The following ZNF148 variants were observed in gnomAD, a reference collection of about 807,000 sequenced individuals.
The protein encoded by ZNF148 is Beta-Enolase Repressor Factor-1.
ZNF148 carries 7 observed loss-of-function variants against 67.7 expected under a neutral mutation model. That is an observed-to-expected ratio of 0.10 (90% CI 0.06 to 0.19). The LOEUF is 0.19. Ranked by LOEUF, ZNF148 falls within the 10% of genes least tolerant of loss-of-function variation. ZNF148 has a pLI of 1.00. For missense variants in ZNF148, 583 were observed against 947.1 expected (o/e 0.62, Z 5.05); for synonymous variants, 333 against 330.7 (o/e 1.01, Z -0.08).
Position 125,338,659 on chromosome 3 carries a change from CAAA to C in ZNF148, c.-233-7424_-233-7422del, listed in dbSNP as rs757727396. 2.1e-4 allele frequency among the ~76,000 whole-genome samples: 11 copies of C among 51,192 alleles called. No homozygotes were observed. The South Asian group carries it at 6.6e-3, about 31-fold the overall frequency. 33.6% of individuals were successfully genotyped at this position (51,192 alleles called of 152,430 possible). A position where few individuals can be genotyped will look rare whatever the true frequency, so the allele number is the denominator to read the frequency against. ...TGAGTGACAGAGTGAGACCCTGTCT[CAAA>C]AAAAAAAAAAAAAAAAAAAAACTAT... On this transcript the variant is annotated intron_variant, in intron 1 of 8. Coordinates refer to ENST00000360647, the MANE Select transcript of ZNF148 (RefSeq NM_021964.3).
At chr3:125,255,644 T>C (rs1486138251) in intron 7 of ZNF148, among the ~76,000 whole-genome samples, 2 of 152,262 alleles carry the variant, frequency 1.3e-5, no homozygotes, top group East Asian at 3.9e-4. Context: ...GGAACAAATT[T>C]ACTCAGTTTT....
intron 4 of ZNF148, among the ~76,000 whole-genome samples, chr3:125,312,994 G>A (rs1478459462): frequency 6.6e-6 from 1 of 152,110 alleles, no homozygotes; most frequent in African/African-American, 2.4e-5. Context: ...TTACGTTGAA[G>A]ATTCAAATGT....
At chr3:125,368,450 G>A (rs1942768162) in intron 1 of ZNF148, among the ~76,000 whole-genome samples, 2 of 152,168 alleles carry the variant, frequency 1.3e-5, no homozygotes, top group Admixed American at 6.5e-5. Flanking sequence ...CCTTGGGAGT[G>A]TTTTCAAAAT....
intron 7 of ZNF148, among the ~76,000 whole-genome samples, chr3:125,256,019 C>T (rs1254982808): frequency 2.0e-5 from 3 of 151,898 alleles, no homozygotes; most frequent in Non-Finnish European, 2.9e-5. Flanking sequence ...TGTTCTTTCT[C>T]GTATTTATCT....
At chr3:125,285,197 A>G (rs1282019181) in intron 5 of ZNF148, among the ~76,000 whole-genome samples, 1 of 152,230 alleles carries the variant, frequency 6.6e-6, no homozygotes, top group South Asian at 2.1e-4. Flanking sequence ...GGGAGAGTGG[A>G]GTCCTCTAGG....
intron 1 of ZNF148, among the ~76,000 whole-genome samples, chr3:125,350,327 A>AT (rs986168333): frequency 8.6e-5 from 13 of 151,220 alleles, no homozygotes; most frequent in South Asian, 6.3e-4. Flanking sequence ...GGCCCATCTA[A>AT]TTTTTTTTTG....
At chr3:125,249,903 T>A (rs1936765768) in intron 7 of ZNF148, among the ~76,000 whole-genome samples, 1 of 152,118 alleles carries the variant, frequency 6.6e-6, no homozygotes, top group Non-Finnish European at 1.5e-5. Context: ...GGACATTATA[T>A]TAGTTGAAAT....
intron 4 of ZNF148, 23 bp downstream of exon 4, chr3:125,313,285 T>C (rs545327130): frequency 6.4e-6 from 10 of 1,560,556 alleles, no homozygotes; most frequent in African/African-American, 2.7e-5. Flanking sequence ...CTAAGTTTAA[T>C]ATCTTATAAA....
At chr3:125,270,258 G>A (rs1167329808) in intron 7 of ZNF148, among the ~76,000 whole-genome samples, 1 of 151,834 alleles carries the variant, frequency 6.6e-6, no homozygotes, top group African/African-American at 2.4e-5. Flanking sequence ...TATAATCCCA[G>A]CACTCTGGGA....
intron 1 of ZNF148, among the ~76,000 whole-genome samples, chr3:125,351,260 T>TA (rs1942139754): frequency 6.6e-6 from 1 of 151,956 alleles, no homozygotes; most frequent in South Asian, 2.1e-4. Context: ...CAGGTGCCTG[T>TA]AGTCCTAGCT....
chr3:125,285,546 T>C (rs1938611083), intron 5 of ZNF148, among the ~76,000 whole-genome samples: 1 of 151,916 alleles, frequency 6.6e-6, no homozygotes, highest in South Asian at 2.1e-4. Context: ...AATTGTTTGT[T>C]CTTTATTTAA....
At chr3:125,326,664 T>C (rs1349587302) in intron 2 of ZNF148, among the ~76,000 whole-genome samples, 1 of 147,000 alleles carries the variant, frequency 6.8e-6, no homozygotes, top group Admixed American at 6.8e-5. Context: ...TGACACTATA[T>C]ATATGAGTAT....
intron 1 of ZNF148, among the ~76,000 whole-genome samples, chr3:125,341,382 G>A (rs1309941115): frequency 6.6e-6 from 1 of 150,636 alleles, no homozygotes; most frequent in African/African-American, 2.4e-5. Flanking sequence ...ACTTTGGGAA[G>A]ATGAAGCAGG....
intron 4 of ZNF148, among the ~76,000 whole-genome samples, chr3:125,294,731 A>G (rs1234549986): frequency 6.6e-6 from 1 of 152,142 alleles, no homozygotes; most frequent in Non-Finnish European, 1.5e-5. Flanking sequence ...TATGTTAAGA[A>G]TTTTCATTAA....
chr3:125,301,643 T>C (rs550420248), intron 4 of ZNF148, among the ~76,000 whole-genome samples: 3 of 152,326 alleles, frequency 2.0e-5, no homozygotes, highest in African/African-American at 7.2e-5. Flanking sequence ...ACATGCTCAA[T>C]ATCAATTTTT....
chr3:125,234,248 C>T lies in ZNF148; in HGVS notation c.749G>A (p.Ser250Asn). The change falls in exon 8 of 9, where the codon AGT becomes AAT. Residue 250 changes from serine to asparagine, a missense_variant. This residue lies in a region of ZNF148 where 25 missense variants were observed against 142.0 expected (regional missense o/e 0.18). Transcript: ENST00000360647. ...TTCACACTGGTAAGGTTTTTCTCCACTATGAGTTCTCTTATGCCTTTCCAT... is the reference window on the plus strand; with the variant it reads ...TTCACACTGGTAAGGTTTTTCTCCATTATGAGTTCTCTTATGCCTTTCCAT... Reference protein sequence around the residue: ...YHMERHKRTHSGEKPYQCEYC... With the variant: ...YHMERHKRTHNGEKPYQCEYC... The T allele has an allele frequency of 6.2e-7, 1 of 1,611,800 alleles. No individual in the cohort carries two copies. The highest frequency in any genetic ancestry group is 8.5e-7 in the Non-Finnish European group (1 of 1,178,696).
chr3:125,287,900 T>A (rs1938785631), intron 5 of ZNF148, among the ~76,000 whole-genome samples: 1 of 152,110 alleles, frequency 6.6e-6, no homozygotes, highest in African/African-American at 2.4e-5. Context: ...AAGTTCACTT[T>A]TAGACAAGTC....
At chr3:125,341,116 A>G (rs1281199173) in intron 1 of ZNF148, among the ~76,000 whole-genome samples, 1 of 151,808 alleles carries the variant, frequency 6.6e-6, no homozygotes, top group East Asian at 1.9e-4. Context: ...TTGGAATTTG[A>G]CAAGAATTTT....
intron 1 of ZNF148, among the ~76,000 whole-genome samples, chr3:125,331,853 G>A (rs375091355): frequency 2.6e-5 from 4 of 152,122 alleles, no homozygotes; most frequent in African/African-American, 9.7e-5. Flanking sequence ...CATTGATGCC[G>A]ACCACAGATC....
Sources: allele counts gnomAD v4.1 joint callset (sites outside exome capture counted in the v4.1 genomes callset), GRCh38; gene constraint gnomAD v4.1.1; regional missense constraint gnomAD v4.1.1; transcripts MANE v1.5; gene names NCBI Gene and HGNC (gene_info 2026-07-23, HGNC 2026-07-21).